ANKS1B: variants seen among roughly 807,000 people sequenced by gnomAD.
The protein encoded by ANKS1B is ankyrin repeat and sterile alpha motif domain containing 1B.
Under a neutral mutation model 148.3 loss-of-function variants are expected in ANKS1B, and 36 were observed. The ratio of observed to expected loss-of-function variants is 0.24; its 90% CI spans 0.19 to 0.32. The LOEUF (loss-of-function observed/expected upper bound fraction) is 0.32, where lower values mean the gene tolerates loss of function less well. ANKS1B is among the 10% of genes least tolerant of loss of function. ANKS1B has a pLI of 1.00. For missense variants in ANKS1B, 1,157 were observed against 1,542.6 expected, an observed-to-expected ratio of 0.75 and a Z score of 4.19; for synonymous variants, 542 against 560.8, an observed-to-expected ratio of 0.97 and a Z score of 0.47.
chr12:98,852,749 T>TCC (rs1022591607), intron 17 of ANKS1B, among the ~76,000 whole-genome samples: 4 of 151,922 alleles, frequency 2.6e-5, no homozygotes, highest in African/African-American at 9.7e-5. Flanking sequence ...CTGAGCTTTT[T>TCC]CCCCCCCTCC....
intron 9 of ANKS1B, among the ~76,000 whole-genome samples, chr12:99,591,805 A>G (rs555400757): frequency 1.6e-4 from 25 of 152,302 alleles, no homozygotes; most frequent in African/African-American, 5.8e-4. Context: ...CTATGTTACT[A>G]GAAAGACCCA....
intron 1 of ANKS1B, among the ~76,000 whole-genome samples, chr12:99,935,612 C>A (rs1379924712): frequency 6.6e-6 from 1 of 152,046 alleles, no homozygotes; most frequent in African/African-American, 2.4e-5. Context: ...CAGTCAGGAG[C>A]CACTCTCAAC....
intron 22 of ANKS1B, among the ~76,000 whole-genome samples, chr12:98,785,796 G>A (rs146312420): frequency 1.3e-5 from 2 of 152,180 alleles, no homozygotes; most frequent in East Asian, 1.9e-4. Flanking sequence ...TCTGCTGGGT[G>A]TCTGTATAAT....
At chr12:99,422,717 T>C (rs1419564271) in intron 11 of ANKS1B, among the ~76,000 whole-genome samples, 3 of 152,164 alleles carry the variant, frequency 2.0e-5, no homozygotes, top group Admixed American at 6.6e-5. Context: ...CAGAAGTTTG[T>C]GAAATCGAAT....
Position 98,846,062 on chromosome 12 carries a change from AG to A in ANKS1B, c.2779-13927del, listed in dbSNP as rs754428922. Among the ~76,000 whole-genome samples the A allele has an allele frequency of 6.0e-5, 9 of 150,838 alleles. No homozygotes were observed. The South Asian group carries it at 1.5e-3, about 25-fold the overall frequency. Reference sequence around the variant, plus strand: ...TGTATATTTTGTTCTTTCCTGCCTAAGGGTGGTTTATTGACAGTCTTTAATT... The same window carrying A: ...TGTATATTTTGTTCTTTCCTGCCTAAGGTGGTTTATTGACAGTCTTTAATT... On this transcript the variant is annotated intron_variant, in intron 17 of 26. Coordinates refer to ENST00000683438, the MANE Select transcript of ANKS1B (RefSeq NM_001352186.2).
chr12:98,962,157 C>G (rs113553828), intron 17 of ANKS1B, among the ~76,000 whole-genome samples: 1 of 146,830 alleles, frequency 6.8e-6, no homozygotes, highest in Non-Finnish European at 1.5e-5. Context: ...AAAAAAAAAA[C>G]AAGATTCAAC....
intron 1 of ANKS1B, among the ~76,000 whole-genome samples, chr12:99,896,309 G>A (rs750149657): frequency 1.3e-5 from 2 of 150,822 alleles, no homozygotes; most frequent in African/African-American, 2.4e-5. Context: ...GTTTCATTTC[G>A]TTTTGTTTTG....
intron 11 of ANKS1B, among the ~76,000 whole-genome samples, chr12:99,436,817 C>A (rs569613095): frequency 6.6e-6 from 1 of 152,086 alleles, no homozygotes; most frequent in Admixed American, 6.6e-5. Context: ...AGAAATGACT[C>A]ATCTTTCCTC....
chr12:99,363,608 T>A (rs890866840), intron 12 of ANKS1B, among the ~76,000 whole-genome samples: 1 of 152,086 alleles, frequency 6.6e-6, no homozygotes, highest in African/African-American at 2.4e-5. Context: ...ACCAACACCT[T>A]TCAGAGCCTG....
At chr12:98,755,493 A>ATGCT (rs909290761) in intron 25 of ANKS1B, among the ~76,000 whole-genome samples, 1 of 152,176 alleles carries the variant, frequency 6.6e-6, no homozygotes, top group Non-Finnish European at 1.5e-5. Flanking sequence ...TGCAGAAGAA[A>ATGCT]TGCTTGCTTG....
intron 9 of ANKS1B, among the ~76,000 whole-genome samples, chr12:99,527,228 C>A (rs777580900): frequency 6.6e-6 from 1 of 152,018 alleles, no homozygotes; most frequent in African/African-American, 2.4e-5. Flanking sequence ...AAAAGGTACT[C>A]GTTGAAAAAC....
At chr12:99,227,308 T>C (rs1042373151) in intron 14 of ANKS1B, among the ~76,000 whole-genome samples, 3 of 152,180 alleles carry the variant, frequency 2.0e-5, no homozygotes, top group Non-Finnish European at 2.9e-5. Flanking sequence ...TGACACCCTC[T>C]ACCATGATTG....
chr12:99,968,508 A>C (rs1226566849), intron 1 of ANKS1B, among the ~76,000 whole-genome samples: 2 of 152,348 alleles, frequency 1.3e-5, no homozygotes, highest in Non-Finnish European at 2.9e-5. Context: ...CAGTGAGCCA[A>C]GATCGTGCCA....
At chr12:99,346,667 C>T (rs1310204459) in intron 12 of ANKS1B, among the ~76,000 whole-genome samples, 1 of 151,974 alleles carries the variant, frequency 6.6e-6, no homozygotes, top group Non-Finnish European at 1.5e-5. Context: ...AACAAAGTTA[C>T]TGAAATTCTG....
At chr12:99,581,764 G>A (rs1244283393) in intron 9 of ANKS1B, among the ~76,000 whole-genome samples, 2 of 151,748 alleles carry the variant, frequency 1.3e-5, no homozygotes, top group Admixed American at 6.6e-5. Context: ...GGTGGCGGGC[G>A]CCTGTAGTCC....
intron 17 of ANKS1B, chr12:98,954,309 T>C (rs1039949988): frequency 1.5e-4 from 23 of 152,224 alleles, no homozygotes; most frequent in African/African-American, 5.5e-4. Flanking sequence ...ACTAAATAGA[T>C]TTTAGTGTCC....
At chr12:99,332,234 A>G (rs182080723) in intron 12 of ANKS1B, among the ~76,000 whole-genome samples, 2 of 152,174 alleles carry the variant, frequency 1.3e-5, no homozygotes, top group East Asian at 3.9e-4. Context: ...AATTTTTCCA[A>G]GATCGTAGAT....
chr12:98,775,370 G>T (rs1170252620), intron 24 of ANKS1B, among the ~76,000 whole-genome samples: 1 of 152,120 alleles, frequency 6.6e-6, no homozygotes, highest in African/African-American at 2.4e-5. Context: ...TGCAAAGGAG[G>T]AAAAGTATAT....
At chr12:99,327,433 AATTATAT>A (rs1029792829) in intron 12 of ANKS1B, among the ~76,000 whole-genome samples, 1 of 133,546 alleles carries the variant, frequency 7.5e-6, no homozygotes, top group Non-Finnish European at 1.6e-5. Flanking sequence ...ATTGTCTATA[AATTATAT>A]ATTATATATT....
Sources: allele counts gnomAD v4.1 joint callset (sites outside exome capture counted in the v4.1 genomes callset), GRCh38; gene constraint gnomAD v4.1.1; transcripts MANE v1.5; gene names NCBI Gene and HGNC (gene_info 2026-07-23, HGNC 2026-07-21).